Variants in DLG2 observed in about 807,000 individuals in gnomAD.
DLG2 encodes disks large homolog 2.
Under a neutral mutation model 132.5 loss-of-function variants are expected in DLG2, and 45 were observed. The ratio of observed to expected loss-of-function variants is 0.34; its 90% CI spans 0.27 to 0.44. The LOEUF (loss-of-function observed/expected upper bound fraction) is 0.44, where lower values mean the gene tolerates loss of function less well. Among genes scored for constraint, DLG2 ranks in the 20% least tolerant of loss-of-function variants. The pLI is 1.00. For missense variants in DLG2, 1,045 were observed against 1,196.9 expected (o/e 0.87, Z 1.87); for synonymous variants, 424 against 419.6 (o/e 1.01, Z -0.13).
At chr11:84,001,131 C>T (rs78435500) in intron 11 of DLG2, among the ~76,000 whole-genome samples, 1,941 of 151,984 alleles carry the variant, frequency 0.013, 39 homozygotes, top group African/African-American at 0.044. Flanking sequence ...AAATTCTTTA[C>T]TTAAAAGATA....
chr11:83,484,998 T>C (rs943358898), intron 21 of DLG2, among the ~76,000 whole-genome samples: 4 of 152,134 alleles, frequency 2.6e-5, no homozygotes, highest in Non-Finnish European at 5.9e-5. Flanking sequence ...ACAGAGCTAG[T>C]TGGTGACAGC....
In DLG2 at chr11:84,176,853, G is replaced by T. The variant is rs141648962; in HGVS notation, c.574-13342C>A. ...TCATGCTCAAGCATAGCTCACTGCT[G>T]CTTGCTTGCTTGCTCTCTCTCTTTT... On this transcript the variant is annotated intron_variant, in intron 8 of 27. Coordinates refer to ENST00000376104, the MANE Select transcript of DLG2 (RefSeq NM_001142699.3). 3.3e-3 allele frequency among the ~76,000 whole-genome samples: 501 copies of T among 152,022 alleles called. 6 individuals are homozygous for T. Among genetic ancestry groups the T allele is most frequent in the African/African-American group, 0.011 (476 of 41,510 alleles).
intron 3 of DLG2, among the ~76,000 whole-genome samples, chr11:85,334,218 T>C (rs1024198972): frequency 3.3e-5 from 5 of 152,200 alleles, no homozygotes; most frequent in Admixed American, 3.3e-4. Context: ...TTTCTGTGCA[T>C]AGAAGTATTC....
At chr11:84,345,497 A>G (rs957280774) in intron 7 of DLG2, among the ~76,000 whole-genome samples, 1 of 152,246 alleles carries the variant, frequency 6.6e-6, no homozygotes, top group Admixed American at 6.5e-5. Context: ...CAGAATTATA[A>G]TAAAAACCTT....
At chr11:85,124,278 G>A (rs1566897853) in intron 5 of DLG2, among the ~76,000 whole-genome samples, 1 of 152,172 alleles carries the variant, frequency 6.6e-6, no homozygotes. Context: ...TGTGACCTGT[G>A]TCACTTAAGA....
chr11:84,450,876 G>A (rs1482432896), intron 7 of DLG2, among the ~76,000 whole-genome samples: 1 of 147,494 alleles, frequency 6.8e-6, no homozygotes, highest in East Asian at 2.0e-4. Context: ...CATAATAAGT[G>A]TTCCAAAAAA....
chr11:84,966,701 T>C (rs2053400175), intron 6 of DLG2, among the ~76,000 whole-genome samples: 1 of 152,168 alleles, frequency 6.6e-6, no homozygotes, highest in Admixed American at 6.5e-5. Context: ...ATTGGGATCA[T>C]ACATGGTCTT....
intron 17 of DLG2, among the ~76,000 whole-genome samples, chr11:83,812,572 T>C (rs772271458): frequency 6.6e-6 from 1 of 152,208 alleles, no homozygotes; most frequent in African/African-American, 2.4e-5. Context: ...TAAGGTTTAC[T>C]GGGAATCCTA....
chr11:84,338,462 C>G (rs1240745633), intron 7 of DLG2, among the ~76,000 whole-genome samples: 1 of 152,074 alleles, frequency 6.6e-6, no homozygotes, highest in Admixed American at 6.6e-5. Context: ...TAAAATTGTC[C>G]TAGCTAATCC....
At chr11:83,680,537 A>G (rs1328843485) in intron 18 of DLG2, among the ~76,000 whole-genome samples, 1 of 152,150 alleles carries the variant, frequency 6.6e-6, no homozygotes, top group Non-Finnish European at 1.5e-5. Flanking sequence ...AGCCAAACAT[A>G]AGACATTTTA....
At chr11:84,124,790 A>T (rs1400100836) in intron 9 of DLG2, among the ~76,000 whole-genome samples, 1 of 149,170 alleles carries the variant, frequency 6.7e-6, no homozygotes. Context: ...TAGTGCCAAC[A>T]TTTTTTTGCG....
intron 6 of DLG2, among the ~76,000 whole-genome samples, chr11:85,011,278 A>T (rs2059128988): frequency 6.6e-6 from 1 of 152,190 alleles, no homozygotes; most frequent in Admixed American, 6.5e-5. Context: ...CCATAATAAC[A>T]GACCTGCCTC....
At chr11:85,571,187 T>C (rs545614653) in intron 3 of DLG2, among the ~76,000 whole-genome samples, 122 of 152,310 alleles carry the variant, frequency 8.0e-4, no homozygotes, top group Non-Finnish European at 1.2e-3. Flanking sequence ...CTTATAAATT[T>C]TTGTTTAAAA....
intron 3 of DLG2, among the ~76,000 whole-genome samples, chr11:85,549,526 AT>A (rs922785262): frequency 6.6e-6 from 1 of 152,232 alleles, no homozygotes; most frequent in Non-Finnish European, 1.5e-5. Context: ...AAGCATTTCC[AT>A]TCAAAAATAT....
rs574378025 is a variant in DLG2 at position 83,851,171 on chromosome 11, C to T, written c.1566-17401G>A. The stretch of plus-strand genomic sequence containing the variant: ...CAGCCTGGGTGACAGAGTGAGACTC[C>T]GTCTCAAAAAAAAAAAAAAAGAATT... On this transcript the variant is annotated intron_variant, in intron 16 of 27. Coordinates refer to ENST00000376104, the MANE Select transcript of DLG2 (RefSeq NM_001142699.3). 4.1e-3 allele frequency among the ~76,000 whole-genome samples: 325 copies of T among 79,108 alleles called. 2 individuals carry two copies. Among genetic ancestry groups the T allele is most frequent in the Non-Finnish European group, 7.0e-3 (264 of 37,746 alleles). 51.9% of individuals were successfully genotyped at this position (79,108 alleles called of 152,430 possible). A position where few individuals can be genotyped will look rare whatever the true frequency, so the allele number is the denominator to read the frequency against.
chr11:85,513,312 G>C (rs1055370104), intron 3 of DLG2, among the ~76,000 whole-genome samples: 1 of 151,864 alleles, frequency 6.6e-6, no homozygotes, highest in Non-Finnish European at 1.5e-5. Context: ...CCAAATAACA[G>C]ACCTGCATAT....
At chr11:84,792,248 A>T (rs895473857) in intron 6 of DLG2, among the ~76,000 whole-genome samples, 1 of 152,156 alleles carries the variant, frequency 6.6e-6, no homozygotes, top group African/African-American at 2.4e-5. Context: ...TGATTTGTAT[A>T]TGTTGAAACG....
intron 6 of DLG2, among the ~76,000 whole-genome samples, chr11:85,071,409 G>A (rs1394311305): frequency 1.3e-5 from 2 of 151,718 alleles, no homozygotes; most frequent in Non-Finnish European, 2.9e-5. Flanking sequence ...TAGTAAGAAA[G>A]GCTATTATAA....
intron 6 of DLG2, among the ~76,000 whole-genome samples, chr11:84,705,159 G>A (rs1555175744): frequency 2.0e-5 from 3 of 151,626 alleles, no homozygotes; most frequent in Non-Finnish European, 4.4e-5. Context: ...GAAAATAAAT[G>A]ACTTACTTCA....
Sources: gnomAD v4.1 joint callset for allele counts (sites outside exome capture counted in the v4.1 genomes callset) on GRCh38, gnomAD v4.1.1 for gene constraint, MANE v1.5 for transcripts, NCBI Gene and HGNC (gene_info 2026-07-23, HGNC 2026-07-21) for gene names.